Variants in SV2C observed in about 807,000 individuals in gnomAD.
SV2C encodes the protein solute carrier family 22 member B3.
A neutral mutation model predicts 79.7 loss-of-function variants in SV2C; 49 were observed. The ratio of observed to expected loss-of-function variants is 0.61; its 90% CI spans 0.49 to 0.78. The LOEUF is 0.78. SV2C is among the 30% of genes least tolerant of loss of function. The probability of loss-of-function intolerance (pLI) is 0.00; values close to 1 mark genes in which losing one functional copy is unlikely to be tolerated. For synonymous variants in SV2C, 334 were observed against 333.2 expected (o/e 1.00, Z -0.03); for missense variants, 833 against 912.9 (o/e 0.91, Z 1.13).
the SV2C span, among the ~76,000 whole-genome samples, chr5:75,979,071 G>T: frequency 2.0e-5 from 3 of 152,172 alleles, no homozygotes; most frequent in Non-Finnish European, 4.4e-5. Context: ...GCAGAAAAAT[G>T]CAGGAGGGAT....
At chr5:76,227,528 T>C (rs781510430) in intron 4 of SV2C, among the ~76,000 whole-genome samples, 56 of 152,182 alleles carry the variant, frequency 3.7e-4, no homozygotes, top group Non-Finnish European at 6.3e-4. Flanking sequence ...ATAATTGCAA[T>C]AAAATAATAA....
chr5:75,997,583 T>G, the SV2C span, among the ~76,000 whole-genome samples: 1 of 152,158 alleles, frequency 6.6e-6, no homozygotes, highest in African/African-American at 2.4e-5. Flanking sequence ...AAAACACACA[T>G]GAAAAAATGC....
chr5:75,853,620 A>AAG, the SV2C span, among the ~76,000 whole-genome samples: 1 of 147,532 alleles, frequency 6.8e-6, no homozygotes, highest in Non-Finnish European at 1.5e-5. Context: ...AAAAAAAAAA[A>AAG]AAAAAAAAAA....
the SV2C span, among the ~76,000 whole-genome samples, chr5:75,884,533 G>A: frequency 1.3e-5 from 2 of 152,044 alleles, no homozygotes; most frequent in African/African-American, 4.8e-5. Flanking sequence ...AGTGTTGATG[G>A]ACTTGGTCAT....
chr5:76,094,220 T>G (rs967520533), intron 1 of SV2C, among the ~76,000 whole-genome samples: 3 of 152,222 alleles, frequency 2.0e-5, no homozygotes, highest in African/African-American at 7.2e-5. Context: ...ACAGAAAACA[T>G]AGATTATAAA....
chr5:76,119,609 T>A (rs1487282821), intron 1 of SV2C, among the ~76,000 whole-genome samples: 8 of 151,786 alleles, frequency 5.3e-5, no homozygotes. Context: ...TTCTGTACAA[T>A]GTGGAAATCC....
At chr5:75,874,679 C>G in the SV2C span, among the ~76,000 whole-genome samples, 1 of 152,100 alleles carries the variant, frequency 6.6e-6, no homozygotes, top group African/African-American at 2.4e-5. Flanking sequence ...CCCAAAAAAG[C>G]TCCTCCAGCT....
chr5:76,015,265 T>C, the SV2C span, among the ~76,000 whole-genome samples: 1 of 152,208 alleles, frequency 6.6e-6, no homozygotes, highest in Non-Finnish European at 1.5e-5. Context: ...ATGACTTATG[T>C]GGAGCACAGT....
the SV2C span, among the ~76,000 whole-genome samples, chr5:75,870,728 C>A: frequency 1.1e-4 from 16 of 152,064 alleles, no homozygotes; most frequent in African/African-American, 3.9e-4. Context: ...AATCAAACTC[C>A]AAAATGGTCA....
chr5:76,290,387 G>T (rs865975821), intron 6 of SV2C, among the ~76,000 whole-genome samples: 10 of 152,132 alleles, frequency 6.6e-5, no homozygotes, highest in African/African-American at 2.4e-4. Flanking sequence ...CAAACCTCTG[G>T]CAGGGGTAAT....
At chr5:76,122,311 T>C (rs1277608627) in intron 1 of SV2C, among the ~76,000 whole-genome samples, 4 of 151,594 alleles carry the variant, frequency 2.6e-5, no homozygotes, top group Non-Finnish European at 5.9e-5. Flanking sequence ...TCATGTCGTC[T>C]GCAAACAGGG....
chr5:76,124,203 A>T (rs867942904), intron 1 of SV2C, among the ~76,000 whole-genome samples: 13 of 152,142 alleles, frequency 8.5e-5, no homozygotes, highest in Admixed American at 1.3e-4. Flanking sequence ...ACTACCATTC[A>T]TCTCCATCAC....
chr5:75,939,675 A>T, the SV2C span, among the ~76,000 whole-genome samples: 1 of 152,116 alleles, frequency 6.6e-6, no homozygotes, highest in Non-Finnish European at 1.5e-5. Context: ...ATTGTGCGAT[A>T]ATTTTAGTCA....
intron 2 of SV2C, among the ~76,000 whole-genome samples, chr5:76,156,614 A>G (rs1202219209): frequency 6.6e-6 from 1 of 152,190 alleles, no homozygotes; most frequent in East Asian, 1.9e-4. Context: ...ACTTCAAAAT[A>G]TGCATAATAA....
chr5:76,012,328 G>A, the SV2C span, among the ~76,000 whole-genome samples: 6 of 152,130 alleles, frequency 3.9e-5, no homozygotes, highest in African/African-American at 1.4e-4. Context: ...GTATCTCATG[G>A]TGGTTTTGAT....
chr5:75,850,670 T>C, the SV2C span, among the ~76,000 whole-genome samples: 2 of 151,894 alleles, frequency 1.3e-5, no homozygotes, highest in Non-Finnish European at 2.9e-5. Context: ...ATAAAAAGAA[T>C]TTACCGAGAC....
At position 76,119,499 on chromosome 5, in the gene SV2C, C is replaced by G. The variant is rs536430351; in HGVS notation, c.-101-12151C>G. Among the ~76,000 whole-genome samples the G allele has an allele frequency of 1.1e-4, 16 of 152,148 alleles. No individual in the cohort carries two copies. The South Asian group carries it at 3.3e-3, about 32-fold the overall frequency. Reference sequence around the variant, plus strand: ...GAAGGCAAGCTGGGAGCCATACTGCCCATTCCTACCTGGAAGAAGGGACAG... The same window carrying G: ...GAAGGCAAGCTGGGAGCCATACTGCGCATTCCTACCTGGAAGAAGGGACAG... On this transcript the variant is annotated intron_variant, in intron 1 of 12. Transcript: ENST00000502798.
the SV2C span, among the ~76,000 whole-genome samples, chr5:75,946,926 T>G: frequency 3.3e-5 from 5 of 152,240 alleles, no homozygotes; most frequent in South Asian, 1.0e-3. Flanking sequence ...AAAAATACAG[T>G]TTAAAACAAT....
intron 3 of SV2C, among the ~76,000 whole-genome samples, chr5:76,203,997 T>C (rs910892543): frequency 2.6e-5 from 4 of 152,192 alleles, no homozygotes; most frequent in Non-Finnish European, 4.4e-5. Context: ...TTCTGATCTA[T>C]ATAGCAACCT....
Sources: gnomAD v4.1 joint callset for allele counts (sites outside exome capture counted in the v4.1 genomes callset) on GRCh38, gnomAD v4.1.1 for gene constraint, MANE v1.5 for transcripts, NCBI Gene and HGNC (gene_info 2026-07-23, HGNC 2026-07-21) for gene names.